The following DAB1 variants were observed in gnomAD, a reference collection of about 807,000 sequenced individuals.
The protein encoded by DAB1 is DAB adaptor protein 1.
In DAB1, 15 loss-of-function variants were observed where a neutral mutation model predicts 64.6. The observed-to-expected ratio is 0.23, with a 90% CI of 0.16 to 0.36. The LOEUF (loss-of-function observed/expected upper bound fraction) is 0.36. DAB1 is among the 10% of genes least tolerant of loss of function. The probability of loss-of-function intolerance (pLI) is 1.00; values close to 1 mark genes in which losing one functional copy is unlikely to be tolerated. For synonymous variants in DAB1, 235 were observed against 251.9 expected, an observed-to-expected ratio of 0.93 and a Z score of 0.64; for missense variants, 596 against 706.7, an observed-to-expected ratio of 0.84 and a Z score of 1.78.
intron 5 of DAB1, among the ~76,000 whole-genome samples, chr1:58,141,456 G>T (rs1269754794): frequency 6.6e-6 from 1 of 152,170 alleles, no homozygotes; most frequent in Non-Finnish European, 1.5e-5. Context: ...GATATGTGAA[G>T]ATTATAGAGG....
At chr1:57,608,207 T>C (rs1469947020) in intron 7 of DAB1, among the ~76,000 whole-genome samples, 2 of 152,076 alleles carry the variant, frequency 1.3e-5, no homozygotes, top group Non-Finnish European at 2.9e-5. Context: ...CAAAACAGAC[T>C]ATAAATATAT....
At chr1:57,066,602 G>T (rs1008408967) in intron 8 of DAB1, among the ~76,000 whole-genome samples, 2 of 152,142 alleles carry the variant, frequency 1.3e-5, no homozygotes, top group Non-Finnish European at 2.9e-5. Flanking sequence ...GAGGATTTCT[G>T]CTAGGCTCTC....
chr1:58,129,828 G>C (rs1653410151), intron 5 of DAB1, among the ~76,000 whole-genome samples: 1 of 151,648 alleles, frequency 6.6e-6, no homozygotes, highest in Non-Finnish European at 1.5e-5. Flanking sequence ...GAGATAGTTT[G>C]TTATAATTTC....
chr1:57,768,428 A>G (rs1184913529), intron 6 of DAB1, among the ~76,000 whole-genome samples: 2 of 151,720 alleles, frequency 1.3e-5, no homozygotes, highest in East Asian at 3.9e-4. Context: ...TTAGCTTGTT[A>G]TTATACTAAG....
intron 2 of DAB1, among the ~76,000 whole-genome samples, chr1:58,520,870 C>T (rs1251740041): frequency 6.6e-6 from 1 of 151,852 alleles, no homozygotes; most frequent in East Asian, 1.9e-4. Flanking sequence ...GAAATATTAC[C>T]AAACCTCTCT....
At position 57,060,203 on chromosome 1, in the gene DAB1, T is replaced by A. The variant is rs901232222; in HGVS notation, c.723+2681A>T. Among the ~76,000 whole-genome samples, 12 of 150,384 alleles carry A rather than the reference T, an allele frequency of 8.0e-5. 1 individual carries two copies. Among genetic ancestry groups the A allele is most frequent in the African/African-American group, 2.9e-4 (12 of 41,104 alleles). Reference sequence around the variant, plus strand: ...TTTGGCTCTGTCACCCAGGCTAGAGTGCAGTAGCGCCATCTCGGCTCACTG... The same window carrying A: ...TTTGGCTCTGTCACCCAGGCTAGAGAGCAGTAGCGCCATCTCGGCTCACTG... On this transcript the variant is annotated intron_variant, in intron 9 of 14. Transcript: ENST00000371236.
chr1:58,289,187 G>A (rs867566608), intron 4 of DAB1, among the ~76,000 whole-genome samples: 1 of 152,148 alleles, frequency 6.6e-6, no homozygotes, highest in Middle Eastern at 3.4e-3. Context: ...ACCTTTCCAA[G>A]GTATTACCTT....
chr1:57,281,697 A>C (rs1425345650), intron 2 of DAB1, among the ~76,000 whole-genome samples: 1 of 152,150 alleles, frequency 6.6e-6, no homozygotes, highest in Non-Finnish European at 1.5e-5. Context: ...AGTGCTGAGA[A>C]TGGCTTGGAG....
intron 6 of DAB1, 187 bp downstream of exon 6, chr1:57,071,335 T>C (rs1457532981): frequency 9.7e-6 from 7 of 719,260 alleles, no homozygotes; most frequent in Non-Finnish European, 1.6e-5. Context: ...TCATCTAACA[T>C]GTCTAGAGTT....
chr1:57,294,033 A>T (rs1672994521), intron 1 of DAB1, among the ~76,000 whole-genome samples: 1 of 152,204 alleles, frequency 6.6e-6, no homozygotes, highest in African/African-American at 2.4e-5. Flanking sequence ...CACAGTGTGG[A>T]CCCTGGCATC....
intron 12 of DAB1, among the ~76,000 whole-genome samples, chr1:57,012,889 A>G (rs1325297215): frequency 6.6e-6 from 1 of 152,226 alleles, no homozygotes; most frequent in Non-Finnish European, 1.5e-5. Flanking sequence ...AAATCAATGG[A>G]AAGCATAAGC....
intron 6 of DAB1, among the ~76,000 whole-genome samples, chr1:57,721,588 G>A (rs886511166): frequency 2.6e-5 from 4 of 152,328 alleles, no homozygotes; most frequent in African/African-American, 9.6e-5. Flanking sequence ...CCAGTAGTAA[G>A]TAACAGAGGA....
intron 4 of DAB1, among the ~76,000 whole-genome samples, chr1:58,235,535 C>T (rs975280773): frequency 1.3e-5 from 2 of 152,106 alleles, no homozygotes; most frequent in African/African-American, 4.8e-5. Flanking sequence ...ATCATTAATT[C>T]AATTTGTCTC....
At chr1:58,266,913 T>C (rs920671212) in intron 4 of DAB1, among the ~76,000 whole-genome samples, 9 of 152,212 alleles carry the variant, frequency 5.9e-5, no homozygotes, top group Non-Finnish European at 1.3e-4. Flanking sequence ...AGATGGAAGA[T>C]GTTCAGTTTA....
chr1:57,451,371 C>G (rs79182888), intron 7 of DAB1, among the ~76,000 whole-genome samples: 1,956 of 152,278 alleles, frequency 0.013, 33 homozygotes, highest in African/African-American at 0.038. Flanking sequence ...TCACATCCTG[C>G]TGGTTTATAG....
At chr1:57,088,740 T>C (rs1653343287) in intron 4 of DAB1, among the ~76,000 whole-genome samples, 1 of 152,228 alleles carries the variant, frequency 6.6e-6, no homozygotes, top group Non-Finnish European at 1.5e-5. Flanking sequence ...CGGAATGTAG[T>C]TCAGCTCTTT....
intron 7 of DAB1, among the ~76,000 whole-genome samples, chr1:57,589,966 A>G (rs542051877): frequency 7.2e-5 from 11 of 152,334 alleles, no homozygotes; most frequent in Non-Finnish European, 1.6e-4. Flanking sequence ...AAATTGGCCC[A>G]AAATTTATGA....
At chr1:57,679,060 C>T (rs116031825) in intron 6 of DAB1, among the ~76,000 whole-genome samples, 190 of 152,092 alleles carry the variant, frequency 1.2e-3, no homozygotes, top group African/African-American at 4.4e-3. Context: ...CATGAACCAC[C>T]GCACCTGGCC....
At chr1:57,743,086 T>C (rs1648080300) in intron 6 of DAB1, among the ~76,000 whole-genome samples, 1 of 152,210 alleles carries the variant, frequency 6.6e-6, no homozygotes, top group Non-Finnish European at 1.5e-5. Context: ...GTCCCTAGGC[T>C]GTCCTGAGTT....
Sources: allele counts gnomAD v4.1 joint callset (sites outside exome capture counted in the v4.1 genomes callset), GRCh38; gene constraint gnomAD v4.1.1; transcripts MANE v1.5; gene names NCBI Gene and HGNC (gene_info 2026-07-23, HGNC 2026-07-21).